Variants in CSNK1G2 observed in about 807,000 individuals in gnomAD.
CSNK1G2 encodes casein kinase I isoform gamma-2.
In CSNK1G2, 11 loss-of-function variants were observed where a neutral mutation model predicts 48.0. The observed-to-expected ratio is 0.23, with a 90% CI of 0.14 to 0.38. The LOEUF (loss-of-function observed/expected upper bound fraction) is 0.38. Ranked by LOEUF, CSNK1G2 falls within the 10% of genes least tolerant of loss-of-function variation. The probability of loss-of-function intolerance (pLI) is 1.00; values close to 1 mark genes in which losing one functional copy is unlikely to be tolerated. For missense variants in CSNK1G2, 446 were observed against 595.5 expected (o/e 0.75, Z 2.61); for synonymous variants, 337 against 254.1 (o/e 1.33, Z -3.10).
At chr19:1,961,420 C>T (rs1255447855) in intron 1 of CSNK1G2, among the ~76,000 whole-genome samples, 1 of 152,250 alleles carries the variant, frequency 6.6e-6, no homozygotes, top group Non-Finnish European at 1.5e-5. Context: ...GTCTCCAGCC[C>T]ATGCTGAGGA....
chr19:1,980,247 T>C lies in CSNK1G2; in HGVS notation c.*44T>C, dbSNP rs752091283. 6.2e-6 allele frequency: 10 copies of C among 1,609,264 alleles called. No individual in the cohort carries two copies. Among genetic ancestry groups the C allele is most frequent in the Non-Finnish European group, 1.7e-6 (2 of 1,177,236 alleles). Reference sequence around the variant, plus strand: ...CCCTGAATCTTCTCCGTGCAGCCCCTTGGGGCGCGACCTTGTGCGAGGCCC... The same window carrying C: ...CCCTGAATCTTCTCCGTGCAGCCCCCTGGGGCGCGACCTTGTGCGAGGCCC... On this transcript the variant is annotated 3_prime_UTR_variant, in exon 12 of 12. Coordinates refer to ENST00000255641, the MANE Select transcript of CSNK1G2 (RefSeq NM_001319.7).
rs2014483975 is a variant in CSNK1G2, at chr19:1,944,549, G to A, written c.-266+3131G>A. On this transcript the variant is annotated intron_variant, in intron 1 of 11. Transcript: ENST00000255641. ...GTGGGAGCAGTGACAGCGAGGGGTG[G>A]TGGCCCTGCGGCCAGGGGACGGGCC... 2.0e-5 allele frequency among the ~76,000 whole-genome samples: 3 copies of A among 152,224 alleles called. No individual in the cohort carries two copies. The South Asian group carries it at 6.2e-4, about 31-fold the overall frequency.
intron 1 of CSNK1G2, among the ~76,000 whole-genome samples, chr19:1,960,065 C>G (rs1287928689): frequency 6.6e-6 from 1 of 152,196 alleles, no homozygotes; most frequent in African/African-American, 2.4e-5. Flanking sequence ...AAACCCCCAC[C>G]CACGTCCAGG....
rs1254342897 is a variant in CSNK1G2 at position 1,980,634 on chromosome 19, T to A, written c.*431T>A. 4.5e-6 allele frequency: 1 copy of A among 219,988 alleles called. No individual in the cohort carries two copies. Among genetic ancestry groups the A allele is most frequent in the African/African-American group, 2.4e-5 (1 of 42,052 alleles). 13.6% of individuals were successfully genotyped at this position (219,988 alleles called of 1,614,324 possible). A position where few individuals can be genotyped will look rare whatever the true frequency, so the allele number is the denominator to read the frequency against. ...TTGTCTCCCTCGATCCAAAGGCCGT[T>A]TTCTCGAGGGGAGGGCAGGCCCGGC... is the stretch of plus-strand genomic sequence containing the variant. On this transcript the variant is annotated 3_prime_UTR_variant, in exon 12 of 12. Transcript: ENST00000255641.
intron 1 of CSNK1G2, chr19:1,952,882 CAG>C (rs772526406): frequency 1.4e-5 from 6 of 441,700 alleles, no homozygotes; most frequent in African/African-American, 1.3e-4. Flanking sequence ...GGGATCATCA[CAG>C]AGGCAGGAGC....
At position 1,979,753 on chromosome 19, in the gene CSNK1G2, C is replaced by G. The variant is rs1568207697; in HGVS notation, c.1004C>G (p.Pro335Arg). 1.2e-6 allele frequency: 2 copies of G among 1,605,372 alleles called. No homozygotes were observed. The highest frequency in any genetic ancestry group is 1.7e-5 in the Admixed American group (1 of 59,772). ...TGACCCCTGCTCCCTCACCCACAGC[C>G]GACCCCCATCGGCACCGTCCACACC... ...YEYDWAGKPL[P>R]TPIGTVHTDL... Residue 335 changes from proline (P) to arginine (R), a missense_variant and splice_region_variant, in exon 10 of 12, where the codon CCG (proline) becomes CGG (arginine). By Grantham distance (103) the Pro-to-Arg change is moderately radical. This residue lies in a region of CSNK1G2 where 188 missense variants were observed against 179.6 expected (regional missense o/e 1.05). Transcript: ENST00000255641.
chr19:1,974,488 G>T (rs113765495), intron 2 of CSNK1G2, among the ~76,000 whole-genome samples: 5 of 152,078 alleles, frequency 3.3e-5, no homozygotes, highest in Non-Finnish European at 5.9e-5. Context: ...ATGACCCTTG[G>T]GGGGTGCATC....
At chr19:1,954,497 C>G (rs1031357170) in intron 1 of CSNK1G2, 2 of 154,152 alleles carry the variant, frequency 1.3e-5, no homozygotes, top group African/African-American at 4.8e-5. Flanking sequence ...TCTGAGGGCA[C>G]TGGGACGGCG....
At chr19:1,947,888 G>A (rs1426517571) in intron 1 of CSNK1G2, among the ~76,000 whole-genome samples, 5 of 152,156 alleles carry the variant, frequency 3.3e-5, no homozygotes, top group African/African-American at 4.8e-5. Flanking sequence ...GGGGACCTCC[G>A]CTGCCCCTTG....
intron 1 of CSNK1G2, chr19:1,942,754 C>T (rs1410309752): frequency 6.6e-6 from 1 of 152,198 alleles, no homozygotes; most frequent in South Asian, 2.1e-4. Flanking sequence ...CCCAGCCTAG[C>T]CTGGGGTGCC....
chr19:1,962,968 G>A (rs923392131), intron 1 of CSNK1G2, among the ~76,000 whole-genome samples: 2 of 151,996 alleles, frequency 1.3e-5, no homozygotes, highest in Non-Finnish European at 2.9e-5. Flanking sequence ...GGCCCTCCAT[G>A]CACTGGAACA....
At chr19:1,977,201 A>G (rs1252186635) in intron 2 of CSNK1G2, among the ~76,000 whole-genome samples, 4 of 152,212 alleles carry the variant, frequency 2.6e-5, no homozygotes, top group Admixed American at 6.5e-5. Context: ...CTATGGCCCC[A>G]GTGCCATCCT....
At chr19:1,972,324 G>A (rs988821856) in intron 2 of CSNK1G2, among the ~76,000 whole-genome samples, 5 of 152,188 alleles carry the variant, frequency 3.3e-5, no homozygotes, top group Non-Finnish European at 7.3e-5. Flanking sequence ...AGCACTCCAC[G>A]TCCCCAGCAC....
chr19:1,979,761 A>T lies in CSNK1G2; in HGVS notation c.1012A>T (p.Ile338Phe), dbSNP rs769126067. The T allele has an allele frequency of 6.2e-7, 1 of 1,606,110 alleles. No homozygotes were observed. Among genetic ancestry groups the T allele is most frequent in the East Asian group, 2.2e-5 (1 of 44,766 alleles). ...GCTCCCTCACCCACAGCCGACCCCC[A>T]TCGGCACCGTCCACACCGACCTGCC... ...DWAGKPLPTPIGTVHTDLPSQ... is the reference protein window; with the variant it reads ...DWAGKPLPTPFGTVHTDLPSQ... Residue 338 changes from isoleucine to phenylalanine, a missense_variant, in exon 10 of 12, where the codon ATC (isoleucine) becomes TTC (phenylalanine). By Grantham distance (21) the Ile-to-Phe change is conservative. Transcript: ENST00000255641.
At chr19:1,960,974 C>T (rs1249831406) in intron 1 of CSNK1G2, among the ~76,000 whole-genome samples, 1 of 152,224 alleles carries the variant, frequency 6.6e-6, no homozygotes, top group Non-Finnish European at 1.5e-5. Flanking sequence ...GAGAATGTCC[C>T]CGTGCTGGTG....
chr19:1,944,474 C>A (rs899923186), intron 1 of CSNK1G2, among the ~76,000 whole-genome samples: 3 of 152,164 alleles, frequency 2.0e-5, no homozygotes, highest in African/African-American at 7.2e-5. Flanking sequence ...GGTGGTGTTT[C>A]CCGAGGGCTG....
chr19:1,966,175 G>A (rs1169683692), intron 1 of CSNK1G2, among the ~76,000 whole-genome samples: 1 of 152,202 alleles, frequency 6.6e-6, no homozygotes, highest in African/African-American at 2.4e-5. Flanking sequence ...TTCCTCTGAT[G>A]GAGCTGGGGA....
rs763848281 is a variant in CSNK1G2, at chr19:1,979,795, C to T, written c.1046C>T (p.Pro349Leu). Residue 349 changes from proline to leucine, a missense_variant, in exon 10 of 12, where the codon CCT (proline) becomes CTT (leucine). Pro to Leu is a moderately conservative substitution (Grantham distance 98). This residue lies in a region of CSNK1G2 where 188 missense variants were observed against 179.6 expected (regional missense o/e 1.05). Transcript: ENST00000255641. ...GTVHTDLPSQPQLRDKTQPHS... is the reference protein window; with the variant it reads ...GTVHTDLPSQLQLRDKTQPHS... ...GTCCACACCGACCTGCCCTCCCAGCCTCAGCTCCGGGACAAAACCCAGCCG... is the reference window on the plus strand; with the variant it reads ...GTCCACACCGACCTGCCCTCCCAGCTTCAGCTCCGGGACAAAACCCAGCCG... The T allele has an allele frequency of 1.2e-6, 2 of 1,607,610 alleles. No individual in the cohort carries two copies. Among genetic ancestry groups the T allele is most frequent in the East Asian group, 2.2e-5 (1 of 44,676 alleles).
In CSNK1G2 at chr19:1,953,484, A is replaced by T. The variant is rs745457476; in HGVS notation, c.-266+12066A>T. 8 of 534,204 alleles carry T rather than the reference A, an allele frequency of 1.5e-5. No individual in the cohort carries two copies. The East Asian group carries it at 4.4e-4, about 29-fold the overall frequency. The allele number at this position is 534,204 out of a possible 1,614,324, so 33.1% of individuals were successfully genotyped here. A position where few individuals can be genotyped will look rare whatever the true frequency, so the allele number is the denominator to read the frequency against. On this transcript the variant is annotated intron_variant, in intron 1 of 11. Transcript: ENST00000255641. ...CGTCTGAGGCTCTGGAGTCCATGGC[A>T]GCCTTGCCTCCGTTTGCATAATCTG...
Sources: allele counts gnomAD v4.1 joint callset (sites outside exome capture counted in the v4.1 genomes callset), GRCh38; gene constraint gnomAD v4.1.1; regional missense constraint gnomAD v4.1.1; transcripts MANE v1.5; gene names NCBI Gene and HGNC (gene_info 2026-07-23, HGNC 2026-07-21).